The following CAMTA1 variants were observed in gnomAD, a reference collection of about 807,000 sequenced individuals.
CAMTA1 encodes calmodulin binding transcription activator 1.
CAMTA1 carries 27 observed loss-of-function variants against 170.9 expected under a neutral mutation model. That is an observed-to-expected ratio of 0.16 (90% CI 0.12 to 0.22). The LOEUF (loss-of-function observed/expected upper bound fraction) is 0.22. CAMTA1 is among the 10% of genes least tolerant of loss of function. CAMTA1 has a pLI of 1.00. For missense variants in CAMTA1, 1,619 were observed against 2,217.2 expected (o/e 0.73, Z 5.42); for synonymous variants, 833 against 891.5 (o/e 0.93, Z 1.17).
At chr1:7,430,428 G>A (rs1240190179) in intron 5 of CAMTA1, among the ~76,000 whole-genome samples, 1 of 151,934 alleles carries the variant, frequency 6.6e-6, no homozygotes, top group Non-Finnish European at 1.5e-5. Flanking sequence ...GATGATGATG[G>A]TGGAGGTGAC....
chr1:6,888,732 G>A (rs1673873037), intron 3 of CAMTA1, among the ~76,000 whole-genome samples: 1 of 152,182 alleles, frequency 6.6e-6, no homozygotes, highest in African/African-American at 2.4e-5. Context: ...CAGATGCCAT[G>A]GTTACCCCGT....
chr1:7,139,406 T>C (rs1645762240), intron 4 of CAMTA1, among the ~76,000 whole-genome samples: 2 of 150,964 alleles, frequency 1.3e-5, no homozygotes, highest in African/African-American at 4.9e-5. Context: ...TGCTGGTGCC[T>C]CTAGACCTTC....
intron 3 of CAMTA1, among the ~76,000 whole-genome samples, chr1:7,022,930 T>C (rs1192122513): frequency 6.6e-6 from 1 of 152,032 alleles, no homozygotes; most frequent in Non-Finnish European, 1.5e-5. Context: ...CAGGATGAAA[T>C]TTAGAGTGCA....
chr1:7,152,322 G>A (rs1023377001), intron 4 of CAMTA1, among the ~76,000 whole-genome samples: 4 of 152,098 alleles, frequency 2.6e-5, no homozygotes, highest in African/African-American at 9.7e-5. Context: ...GTTCTCCTTA[G>A]AGTGGCTTAA....
intron 5 of CAMTA1, among the ~76,000 whole-genome samples, chr1:7,297,609 C>T (rs1301148249): frequency 6.6e-6 from 1 of 152,238 alleles, no homozygotes; most frequent in East Asian, 1.9e-4. Context: ...TCCAGGCAGA[C>T]TTCTAGGGCC....
chr1:7,660,443 C>T lies in CAMTA1; in HGVS notation c.665-1283C>T, dbSNP rs12086736. Among the ~76,000 whole-genome samples the T allele has an allele frequency of 4.3e-3, 658 of 152,230 alleles. 6 individuals carry two copies. Among genetic ancestry groups the T allele is most frequent in the African/African-American group, 0.015 (639 of 41,532 alleles). On this transcript the variant is annotated intron_variant, in intron 7 of 22. Transcript: ENST00000303635. ...GTCCCAGCTACTCAGGAGGCTGAGG[C>T]GGGAGGATCACTTGAACCCACGAGG...
At chr1:7,116,126 T>C (rs757102929) in intron 4 of CAMTA1, among the ~76,000 whole-genome samples, 18 of 152,146 alleles carry the variant, frequency 1.2e-4, no homozygotes, top group Non-Finnish European at 1.9e-4. Context: ...CTTATTAACT[T>C]TATGGGTTTT....
At chr1:7,018,076 G>A (rs143383032) in intron 3 of CAMTA1, among the ~76,000 whole-genome samples, 8 of 130,158 alleles carry the variant, frequency 6.1e-5, no homozygotes, top group East Asian at 4.6e-4. Flanking sequence ...CCATCCTCCC[G>A]CCTCAGCCTC....
intron 3 of CAMTA1, among the ~76,000 whole-genome samples, chr1:7,088,771 A>G (rs753961150): frequency 1.8e-4 from 27 of 152,202 alleles, no homozygotes; most frequent in Non-Finnish European, 2.9e-4. Flanking sequence ...GGCATGGATC[A>G]GGGGGTTCCA....
At chr1:7,530,990 T>G (rs1358295523) in intron 6 of CAMTA1, among the ~76,000 whole-genome samples, 1 of 151,996 alleles carries the variant, frequency 6.6e-6, no homozygotes, top group Non-Finnish European at 1.5e-5. Context: ...CTAATTTTTG[T>G]ATTTTTAGAA....
intron 7 of CAMTA1, among the ~76,000 whole-genome samples, chr1:7,655,009 C>T (rs1335629115): frequency 7.4e-5 from 11 of 149,648 alleles, no homozygotes; most frequent in Admixed American, 2.7e-4. Context: ...CACACCTATA[C>T]ACACACCCCT....
intron 3 of CAMTA1, among the ~76,000 whole-genome samples, chr1:6,904,268 CTG>C (rs1363689364): frequency 6.6e-6 from 1 of 152,200 alleles, no homozygotes; most frequent in Non-Finnish European, 1.5e-5. Context: ...CCTGGCTTCT[CTG>C]TAGCATTTGT....
chr1:7,594,601 C>T (rs2095384333), intron 6 of CAMTA1, among the ~76,000 whole-genome samples: 1 of 152,178 alleles, frequency 6.6e-6, no homozygotes, highest in Non-Finnish European at 1.5e-5. Context: ...TACTGGAAGG[C>T]CCTCTCAGGG....
chr1:6,928,949 C>T (rs911525614), intron 3 of CAMTA1, among the ~76,000 whole-genome samples: 3 of 152,280 alleles, frequency 2.0e-5, no homozygotes, highest in South Asian at 2.1e-4. Flanking sequence ...CCTGGCCCAT[C>T]GGAGGCACCA....
At chr1:7,474,218 A>C (rs1307808424) in intron 6 of CAMTA1, among the ~76,000 whole-genome samples, 1 of 127,656 alleles carries the variant, frequency 7.8e-6, no homozygotes, top group Non-Finnish European at 1.7e-5. Flanking sequence ...CCAACAGCAA[A>C]GAAGCAGCTA....
intron 4 of CAMTA1, among the ~76,000 whole-genome samples, chr1:7,134,259 T>G (rs888447943): frequency 2.0e-5 from 3 of 152,148 alleles, no homozygotes; most frequent in Non-Finnish European, 4.4e-5. Flanking sequence ...CATAGTATTC[T>G]ATTGTGTATA....
chr1:7,394,115 G>A (rs1428391405), intron 5 of CAMTA1, among the ~76,000 whole-genome samples: 2 of 152,164 alleles, frequency 1.3e-5, no homozygotes, highest in Non-Finnish European at 2.9e-5. Context: ...GAACACTTAG[G>A]TTGATTCTAT....
chr1:7,260,364 T>C (rs1363651629), intron 5 of CAMTA1, among the ~76,000 whole-genome samples: 1 of 152,216 alleles, frequency 6.6e-6, no homozygotes, highest in Non-Finnish European at 1.5e-5. Context: ...GAGGTTAGGG[T>C]TTCTTCTTTA....
intron 1 of CAMTA1, among the ~76,000 whole-genome samples, chr1:6,810,649 C>G (rs568370573): frequency 1.3e-5 from 2 of 152,198 alleles, no homozygotes; most frequent in South Asian, 4.1e-4. Flanking sequence ...ACTAAAAATA[C>G]AAAAATTTAG....
Sources: gnomAD v4.1 joint callset for allele counts (sites outside exome capture counted in the v4.1 genomes callset) on GRCh38, gnomAD v4.1.1 for gene constraint, MANE v1.5 for transcripts, NCBI Gene and HGNC (gene_info 2026-07-23, HGNC 2026-07-21) for gene names.